RANBP17: variants seen among roughly 807,000 people sequenced by gnomAD.
RANBP17 encodes the protein RAN binding protein 17.
Under a neutral mutation model 141.2 loss-of-function variants are expected in RANBP17, and 158 were observed. That is an observed-to-expected ratio of 1.12 (90% confidence interval 0.98 to 1.28). The LOEUF (loss-of-function observed/expected upper bound fraction) is 1.28. Ranked by LOEUF, RANBP17 falls within the 50% of genes most tolerant of loss-of-function variation. The pLI is 0.00. For synonymous variants in RANBP17, 430 were observed against 450.0 expected, an observed-to-expected ratio of 0.96 and a Z score of 0.56; for missense variants, 1,438 against 1,290.7, an observed-to-expected ratio of 1.11 and a Z score of -1.75.
rs542213195 is a variant in RANBP17, at chr5:170,957,107, A to ACACACACACACACG, written c.1574+3406_1574+3407insACACACACACACGC. Among the ~76,000 whole-genome samples, 72 of 150,530 alleles carry ACACACACACACACG rather than the reference A, an allele frequency of 4.8e-4. 1 individual carries two copies. The South Asian group carries it at 5.3e-3, about 11-fold the overall frequency. The stretch of plus-strand genomic sequence containing the variant: ...CACACACACACACACACACACACAC[A>ACACACACACACACG]CGCGCACACTGCCACTATCTCGTGA... On this transcript the variant is annotated intron_variant, in intron 13 of 27. Coordinates refer to ENST00000523189, the MANE Select transcript of RANBP17 (RefSeq NM_022897.5).
intron 14 of RANBP17, among the ~76,000 whole-genome samples, chr5:171,111,181 C>T (rs1755202024): frequency 6.6e-6 from 1 of 152,000 alleles, no homozygotes; most frequent in Non-Finnish European, 1.5e-5. Flanking sequence ...TTTTCAGTGC[C>T]GTTAACTCAA....
chr5:171,206,934 T>G (rs1382772196), intron 20 of RANBP17: 2 of 183,372 alleles, frequency 1.1e-5, no homozygotes, highest in African/African-American at 4.7e-5. Context: ...ATGGAAAGTC[T>G]TAAAATTCTC....
At chr5:171,147,382 G>GT (rs1758122322) in intron 14 of RANBP17, among the ~76,000 whole-genome samples, 1 of 32,064 alleles carries the variant, frequency 3.1e-5, no homozygotes, top group Non-Finnish European at 9.3e-5. Flanking sequence ...TGTGTGTGTG[G>GT]TTGTTTGTTT....
chr5:171,268,210 C>G (rs1349305428), intron 25 of RANBP17, among the ~76,000 whole-genome samples: 8 of 152,108 alleles, frequency 5.3e-5, no homozygotes, highest in Admixed American at 5.2e-4. Flanking sequence ...AGTAACTCAC[C>G]AGTTATTTGA....
chr5:171,265,529 T>C (rs1766612208), intron 24 of RANBP17, 152 bp from the exon 25 acceptor site: 1 of 700,270 alleles, frequency 1.4e-6, no homozygotes, highest in Non-Finnish European at 2.4e-6. Flanking sequence ...AAACTCTGTC[T>C]CAAAAAAACA....
intron 25 of RANBP17, among the ~76,000 whole-genome samples, chr5:171,285,979 A>G (rs1237598285): frequency 6.6e-6 from 1 of 152,244 alleles, no homozygotes; most frequent in Non-Finnish European, 1.5e-5. Flanking sequence ...TTTCCCCAGT[A>G]AACTGTGATT....
At chr5:171,098,699 T>C (rs536978064) in intron 14 of RANBP17, among the ~76,000 whole-genome samples, 1 of 152,344 alleles carries the variant, frequency 6.6e-6, no homozygotes, top group South Asian at 2.1e-4. Flanking sequence ...GTTTTAGTCA[T>C]GAAGTTATCA....
chr5:171,088,963 C>T lies in RANBP17; in HGVS notation c.1711-81167C>T, dbSNP rs1476690699. 3.3e-5 allele frequency among the ~76,000 whole-genome samples: 5 copies of T among 151,494 alleles called. No homozygotes were observed. In the East Asian group the frequency reaches 5.9e-4, roughly 18 times the overall value. On this transcript the variant is annotated intron_variant, in intron 14 of 27. Transcript: ENST00000523189. ...CGTCTGAAGCCTTCTTCTCTCAGCT[C>T]GTCAAAGTCATTCTCCATCCAGCTT...
intron 14 of RANBP17, among the ~76,000 whole-genome samples, chr5:171,042,748 A>G (rs553405613): frequency 3.9e-5 from 6 of 152,036 alleles, no homozygotes; most frequent in Non-Finnish European, 8.8e-5. Flanking sequence ...GTTTTCTAAG[A>G]CCCATTTAAT....
rs534210135 is a variant in RANBP17 at position 171,030,078 on chromosome 5, T to C, written c.1710+61701T>C. Among the ~76,000 whole-genome samples the C allele has an allele frequency of 1.2e-4, 18 of 152,236 alleles. No homozygotes were observed. The South Asian group carries it at 2.3e-3, about 19-fold the overall frequency. Reference sequence around the variant, plus strand: ...CTTAAGTTATGAACTGAAGTTAATATACTTCAGTGAGTTTGCTACAGTAAT... The same window carrying C: ...CTTAAGTTATGAACTGAAGTTAATACACTTCAGTGAGTTTGCTACAGTAAT... On this transcript the variant is annotated intron_variant, in intron 14 of 27. Coordinates refer to ENST00000523189, the MANE Select transcript of RANBP17 (RefSeq NM_022897.5).
chr5:170,909,578 C>CTTTTTTT (rs386405668), intron 5 of RANBP17, 83 bp from the exon 6 acceptor site: 5 of 240,602 alleles, frequency 2.1e-5, no homozygotes, highest in African/African-American at 1.3e-4. Flanking sequence ...AGTTTATTTC[C>CTTTTTTT]TTTTTTTTTT....
At chr5:171,175,488 G>A (rs1186080308) in intron 16 of RANBP17, among the ~76,000 whole-genome samples, 2 of 152,084 alleles carry the variant, frequency 1.3e-5, no homozygotes, top group East Asian at 3.9e-4. Context: ...GATCATCAGA[G>A]TGAACAGGCA....
intron 14 of RANBP17, among the ~76,000 whole-genome samples, chr5:171,064,053 G>T (rs1784120637): frequency 6.6e-6 from 1 of 152,244 alleles, no homozygotes; most frequent in Non-Finnish European, 1.5e-5. Context: ...CGATTTTCCA[G>T]GTGCTGTTTG....
intron 11 of RANBP17, 42 bp from the exon 12 acceptor site, chr5:170,924,315 T>TAAA: frequency 7.5e-7 from 1 of 1,326,628 alleles, no homozygotes; most frequent in Admixed American, 1.9e-5. Flanking sequence ...TAAAAGTGCT[T>TAAA]CACATTCTAA....
intron 14 of RANBP17, among the ~76,000 whole-genome samples, chr5:171,015,877 G>C (rs1780391611): frequency 6.6e-6 from 1 of 152,074 alleles, no homozygotes. Context: ...GATTATTTCT[G>C]GCCTTGTATG....
At chr5:170,955,180 G>T (rs557021152) in intron 13 of RANBP17, among the ~76,000 whole-genome samples, 1 of 152,196 alleles carries the variant, frequency 6.6e-6, no homozygotes, top group African/African-American at 2.4e-5. Flanking sequence ...TGCCAAAAAG[G>T]TTGGGGACCA....
rs1008395905 is a variant in RANBP17 at position 170,896,977 on chromosome 5, G to T, written c.489+862G>T. The T allele has an allele frequency of 2.8e-6, 3 of 1,061,178 alleles. No homozygotes were observed. In the African/African-American group the frequency reaches 4.8e-5, roughly 17 times the overall value. The allele number at this position is 1,061,178 out of a possible 1,614,324, so 65.7% of individuals were successfully genotyped here. On this transcript the variant is annotated intron_variant, in intron 5 of 27. Coordinates refer to ENST00000523189, the MANE Select transcript of RANBP17 (RefSeq NM_022897.5). Reference sequence around the variant, plus strand: ...GGTTGGCCAGTGCGAAAACCAGATTGGCTGCTGCTTCTGGGACCTGGCACT... The same window carrying T: ...GGTTGGCCAGTGCGAAAACCAGATTTGCTGCTGCTTCTGGGACCTGGCACT...
chr5:171,025,842 T>C (rs1038851172), intron 14 of RANBP17, among the ~76,000 whole-genome samples: 3 of 152,082 alleles, frequency 2.0e-5, no homozygotes. Context: ...CCTGCCTCGG[T>C]CTCCCAATGT....
chr5:171,192,384 C>T (rs1270885766), intron 18 of RANBP17, among the ~76,000 whole-genome samples: 1 of 152,166 alleles, frequency 6.6e-6, no homozygotes, highest in African/African-American at 2.4e-5. Flanking sequence ...TGAGGCTAGA[C>T]AGTCCAGAGC....
Sources: allele counts gnomAD v4.1 joint callset (sites outside exome capture counted in the v4.1 genomes callset), GRCh38; gene constraint gnomAD v4.1.1; transcripts MANE v1.5; gene names NCBI Gene and HGNC (gene_info 2026-07-23, HGNC 2026-07-21).